The following ETV6 variants were observed in gnomAD, a reference collection of about 807,000 sequenced individuals.
The protein encoded by ETV6 is transcription factor ETV6.
In ETV6, 16 loss-of-function variants were observed where a neutral mutation model predicts 51.1. The observed-to-expected ratio is 0.31, with a 90% CI of 0.21 to 0.48. The LOEUF (loss-of-function observed/expected upper bound fraction) is 0.48. Ranked by LOEUF, ETV6 falls within the 20% of genes least tolerant of loss-of-function variation. ETV6 has a pLI of 0.99. For missense variants in ETV6, 458 were observed against 594.8 expected (o/e 0.77, Z 2.39); for synonymous variants, 240 against 224.1 (o/e 1.07, Z -0.64).
At chr12:11,757,098 A>G (rs78388222) in intron 2 of ETV6, among the ~76,000 whole-genome samples, 1 of 152,204 alleles carries the variant, frequency 6.6e-6, no homozygotes, top group Non-Finnish European at 1.5e-5. Context: ...ATAAATAGCC[A>G]TAATAGCCGC....
At chr12:11,711,041 C>T (rs1865163704) in intron 1 of ETV6, among the ~76,000 whole-genome samples, 2 of 152,170 alleles carry the variant, frequency 1.3e-5, no homozygotes, top group African/African-American at 4.8e-5. Context: ...CACTTCCTCT[C>T]CCTCACAGGA....
intron 2 of ETV6, among the ~76,000 whole-genome samples, chr12:11,788,721 ACCT>A (rs2136381188): frequency 7.3e-6 from 1 of 136,322 alleles, no homozygotes; most frequent in South Asian, 2.4e-4. Context: ...TTTGTCATTC[ACCT>A]CCTCCAATTC....
chr12:11,772,388 A>G (rs1945254382), intron 2 of ETV6, among the ~76,000 whole-genome samples: 3 of 152,234 alleles, frequency 2.0e-5, no homozygotes, highest in Non-Finnish European at 4.4e-5. Context: ...CAACAGTCAA[A>G]GGTGTCCGAA....
intron 2 of ETV6, among the ~76,000 whole-genome samples, chr12:11,812,590 C>T (rs1945929587): frequency 6.6e-6 from 1 of 152,148 alleles, no homozygotes; most frequent in African/African-American, 2.4e-5. Flanking sequence ...GACTGGCTGC[C>T]ATCAGACTTC....
At chr12:11,867,700 A>G (rs1591733243) in intron 4 of ETV6, among the ~76,000 whole-genome samples, 5 of 152,202 alleles carry the variant, frequency 3.3e-5, no homozygotes, top group South Asian at 4.1e-4. Context: ...TCATATATGT[A>G]TATTATCTTA....
At chr12:11,704,921 A>G (rs1229499452) in intron 1 of ETV6, among the ~76,000 whole-genome samples, 1 of 152,208 alleles carries the variant, frequency 6.6e-6, no homozygotes, top group African/African-American at 2.4e-5. Context: ...GGACATTATG[A>G]TAAGTGACAT....
At chr12:11,768,371 G>A (rs7957338) in intron 2 of ETV6, among the ~76,000 whole-genome samples, 33,484 of 152,012 alleles carry the variant, frequency 0.22, 4,255 homozygotes, top group South Asian at 0.48. Context: ...TATTCTCCCA[G>A]CAAGCCTGGC....
chr12:11,819,569 A>C (rs1750585936), intron 2 of ETV6, among the ~76,000 whole-genome samples: 1 of 152,182 alleles, frequency 6.6e-6, no homozygotes, highest in African/African-American at 2.4e-5. Flanking sequence ...CCTCACATTC[A>C]ACAAAGCTGA....
Position 11,719,154 on chromosome 12 carries a change from A to G in ETV6, c.34-33296A>G, listed in dbSNP as rs180895512. 1.2e-4 allele frequency among the ~76,000 whole-genome samples: 18 copies of G among 152,312 alleles called. 1 individual carries two copies. Among genetic ancestry groups the G allele is most frequent in the Admixed American group, 3.9e-4 (6 of 15,308 alleles). ...TAGTGAGGCCGCTGGGGAGAGGGAA[A>G]CTGAAGCCTGCACCACGGGGAGCCG... is the stretch of plus-strand genomic sequence containing the variant. On this transcript the variant is annotated intron_variant, in intron 1 of 7. Transcript: ENST00000396373.
intron 3 of ETV6, 141 bp downstream of exon 3, chr12:11,839,445 G>A (rs1486214329): frequency 1.2e-6 from 1 of 861,444 alleles, no homozygotes; most frequent in Non-Finnish European, 1.8e-6. Flanking sequence ...GGAAGTTGAA[G>A]GAAGATTATG....
chr12:11,671,872 T>TG (rs551202644), intron 1 of ETV6, among the ~76,000 whole-genome samples: 87 of 152,016 alleles, frequency 5.7e-4, no homozygotes, highest in Non-Finnish European at 1.1e-3. Context: ...CTTATTCGTG[T>TG]GAAAAACTCA....
chr12:11,726,284 C>T (rs994496734), intron 1 of ETV6, among the ~76,000 whole-genome samples: 3 of 152,188 alleles, frequency 2.0e-5, no homozygotes, highest in African/African-American at 4.8e-5. Context: ...CAGCTGTGTT[C>T]AGAACCCACA....
At position 11,894,334 on chromosome 12, in the gene ETV6, AAGCT is replaced by A. The variant is rs1211840268; in HGVS notation, c.*3292_*3295del. The A allele has an allele frequency of 3.9e-5, 9 of 232,272 alleles. No individual in the cohort carries two copies. The highest frequency in any genetic ancestry group is 1.2e-3 in the Middle Eastern group (1 of 804). 14.4% of individuals were successfully genotyped at this position (232,272 alleles called of 1,614,324 possible). ...CTTGAAGTTCTCATTCCTACATCTC[AAGCT>A]AGCCAGGCAGTCTCCTCTCTATCAG... On this transcript the variant is annotated 3_prime_UTR_variant, in exon 8 of 8. Coordinates refer to ENST00000396373, the MANE Select transcript of ETV6 (RefSeq NM_001987.5).
chr12:11,705,490 A>G (rs934212034), intron 1 of ETV6, among the ~76,000 whole-genome samples: 12 of 152,358 alleles, frequency 7.9e-5, no homozygotes, highest in African/African-American at 2.9e-4. Flanking sequence ...ATTTTGCAGC[A>G]AACTGCTTTG....
rs749766762 is a variant in ETV6, at chr12:11,728,109, C to T, written c.34-24341C>T. Among the ~76,000 whole-genome samples, 6 of 152,204 alleles carry T rather than the reference C, an allele frequency of 3.9e-5. 1 individual carries two copies. The highest frequency in any genetic ancestry group is 2.1e-4 in the South Asian group (1 of 4,836). On this transcript the variant is annotated intron_variant, in intron 1 of 7. Coordinates refer to ENST00000396373, the MANE Select transcript of ETV6 (RefSeq NM_001987.5). ...TGCTGGGATTATAGGCATGAGCCAC[C>T]GCTCCCCGGCCTCCCCTTCTTATAA...
intron 2 of ETV6, among the ~76,000 whole-genome samples, chr12:11,802,404 A>G (rs12578421): frequency 0.1 from 15,350 of 152,238 alleles, 815 homozygotes; most frequent in African/African-American, 0.13. Context: ...GGCTTTGGAA[A>G]CCATCTCAAA....
intron 5 of ETV6, among the ~76,000 whole-genome samples, chr12:11,876,674 G>T (rs1360462038): frequency 6.6e-6 from 1 of 152,102 alleles, no homozygotes; most frequent in African/African-American, 2.4e-5. Context: ...ACCTAAATCT[G>T]TACAGATTTA....
At chr12:11,862,437 C>G (rs1471779545) in intron 4 of ETV6, among the ~76,000 whole-genome samples, 1 of 152,212 alleles carries the variant, frequency 6.6e-6, no homozygotes, top group Admixed American at 6.5e-5. Context: ...GTGGCTTAAA[C>G]AACAGATATT....
At chr12:11,700,708 G>A (rs1864962749) in intron 1 of ETV6, among the ~76,000 whole-genome samples, 1 of 152,106 alleles carries the variant, frequency 6.6e-6, no homozygotes, top group Non-Finnish European at 1.5e-5. Context: ...AAGTGGAAGT[G>A]GAGCATCATA....
Sources: allele counts gnomAD v4.1 joint callset (sites outside exome capture counted in the v4.1 genomes callset), GRCh38; gene constraint gnomAD v4.1.1; transcripts MANE v1.5; gene names NCBI Gene and HGNC (gene_info 2026-07-23, HGNC 2026-07-21).